SLC27A2: variants seen among roughly 807,000 people sequenced by gnomAD.
SLC27A2 encodes solute carrier family 27 member 2.
SLC27A2 carries 54 observed loss-of-function variants against 60.0 expected under a neutral mutation model. The observed-to-expected ratio is 0.90, with a 90% CI of 0.72 to 1.13. SLC27A2 has a LOEUF of 1.13. Ranked by LOEUF, SLC27A2 falls within the 50% of genes most tolerant of loss-of-function variation. SLC27A2 has a pLI of 0.00. For synonymous variants in SLC27A2, 297 were observed against 297.6 expected (o/e 1.00, Z 0.02); for missense variants, 739 against 777.6 (o/e 0.95, Z 0.59).
rs1329395813 is a variant in SLC27A2, at chr15:50,196,068, AAAAAAAAAAATATATATATATATAT to A, written c.479-1430_479-1406del. 6.4e-4 allele frequency among the ~76,000 whole-genome samples: 11 copies of A among 17,198 alleles called. 3 individuals are homozygous for A. Among genetic ancestry groups the A allele is most frequent in the African/African-American group, 1.4e-3 (11 of 7,630 alleles). The allele number at this position is 17,198 out of a possible 152,430, so 11.3% of individuals were successfully genotyped here. A position where few individuals can be genotyped will look rare whatever the true frequency, so the allele number is the denominator to read the frequency against. Reference sequence around the variant, plus strand: ...GACTCTGTCTCAAAAAAAAAAAAAAAAAAAAAAAAATATATATATATATATATATATATATATATATATATATATA... The same window carrying A: ...GACTCTGTCTCAAAAAAAAAAAAAAAATATATATATATATATATATATATA... On this transcript the variant is annotated intron_variant, in intron 1 of 9. Coordinates refer to ENST00000267842, the MANE Select transcript of SLC27A2 (RefSeq NM_003645.4).
Position 50,182,683 on chromosome 15 carries a change from C to G in SLC27A2, c.256C>G (p.Arg86Gly), listed in dbSNP as rs1179153255. The part of the protein sequence containing the change: ...DETLTYAQVD[R>G]RSNQVARALH... ...GACTCTCACCTACGCGCAGGTGGAC[C>G]GGCGCAGCAATCAAGTGGCCCGGGC... The change falls in exon 1 of 10, where the codon CGG becomes GGG. Residue 86 changes from arginine to glycine, a missense_variant. By Grantham distance (125) the Arg-to-Gly change is moderately radical. Coordinates refer to ENST00000267842, the MANE Select transcript of SLC27A2 (RefSeq NM_003645.4). 1.9e-6 allele frequency: 3 copies of G among 1,613,828 alleles called. No homozygotes were observed. The African/African-American group carries it at 4.0e-5, about 22-fold the overall frequency.
At chr15:50,206,699 C>T (rs1005775064) in intron 4 of SLC27A2, among the ~76,000 whole-genome samples, 2 of 152,142 alleles carry the variant, frequency 1.3e-5, no homozygotes, top group Non-Finnish European at 2.9e-5. Flanking sequence ...AAATGAAAGC[C>T]GCATATGAGC....
chr15:50,182,840 T>A lies in SLC27A2; in HGVS notation c.413T>A (p.Ile138Asn). 1 of 1,613,318 alleles carries A rather than the reference T, an allele frequency of 6.2e-7. No homozygotes were observed. Among genetic ancestry groups the A allele is most frequent in the Admixed American group, 1.7e-5 (1 of 60,024 alleles). ...GCCATGGCGTGCCTCAATTACAACA[T>A]CCGCGCGAAGTCCCTGCTGCACTGC... The part of the protein sequence containing the change: ...GCAMACLNYN[I>N]RAKSLLHCFQ... The change falls in exon 1 of 10, where the codon ATC becomes AAC. Residue 138 changes from isoleucine (I) to asparagine (N), a missense_variant. By Grantham distance (149) the Ile-to-Asn change is moderately radical (BLOSUM62 -3). Transcript: ENST00000267842.
At chr15:50,214,450 C>A (rs974754733) in intron 4 of SLC27A2, among the ~76,000 whole-genome samples, 2 of 151,964 alleles carry the variant, frequency 1.3e-5, no homozygotes, top group African/African-American at 4.8e-5. Context: ...AAAGAAGGAA[C>A]CCTCCCTAAT....
intron 9 of SLC27A2, 64 bp downstream of exon 9, chr15:50,234,062 C>G: frequency 1.4e-6 from 2 of 1,440,556 alleles, no homozygotes; most frequent in South Asian, 1.4e-5. Context: ...ACTTAGGGAA[C>G]AACTCGCCTT....
At chr15:50,203,593 T>A (rs1389284314) in intron 3 of SLC27A2, among the ~76,000 whole-genome samples, 1 of 152,196 alleles carries the variant, frequency 6.6e-6, no homozygotes, top group African/African-American at 2.4e-5. Context: ...TCATTTTAAA[T>A]AATCATATAT....
chr15:50,186,882 A>C (rs1267972040), intron 1 of SLC27A2, among the ~76,000 whole-genome samples: 3 of 152,252 alleles, frequency 2.0e-5, no homozygotes, highest in Admixed American at 6.5e-5. Flanking sequence ...ATTCTATCAC[A>C]CCATCTTGAA....
Position 50,204,064 on chromosome 15 carries a change from A to G in SLC27A2, c.848-1175A>G, listed in dbSNP as rs184044818. Among the ~76,000 whole-genome samples, 7 of 152,280 alleles carry G rather than the reference A, an allele frequency of 4.6e-5. No homozygotes were observed. The East Asian group carries it at 1.4e-3, about 29-fold the overall frequency. ...ACAATCCAAAAATTTGAAATCCAAA[A>G]TGCTCCAAAATCTGTAACTTTTTAA... On this transcript the variant is annotated intron_variant, in intron 3 of 9. Coordinates refer to ENST00000267842, the MANE Select transcript of SLC27A2 (RefSeq NM_003645.4).
intron 4 of SLC27A2, among the ~76,000 whole-genome samples, chr15:50,222,657 T>C (rs1420123346): frequency 6.6e-6 from 1 of 152,218 alleles, no homozygotes; most frequent in Non-Finnish European, 1.5e-5. Context: ...AATGTTGGCA[T>C]CACCTGGTTC....
chr15:50,228,878 C>G, intron 7 of SLC27A2, 67 bp from the exon 8 acceptor site: 2 of 1,048,692 alleles, frequency 1.9e-6, no homozygotes, highest in African/African-American at 1.6e-5. Context: ...GAAACACCAG[C>G]TCTCCGACAT....
chr15:50,182,591 T>C lies in SLC27A2; in HGVS notation c.164T>C (p.Ile55Thr), dbSNP rs2044867982. 1.2e-6 allele frequency: 2 copies of C among 1,613,180 alleles called. No homozygotes were observed. The highest frequency in any genetic ancestry group is 1.7e-5 in the Admixed American group (1 of 59,984). Residue 55 changes from isoleucine (I) to threonine (T), a missense_variant, in exon 1 of 10, where the codon ATC becomes ACC. By Grantham distance (89) the Ile-to-Thr change is moderately conservative. Coordinates refer to ENST00000267842, the MANE Select transcript of SLC27A2 (RefSeq NM_003645.4). Reference sequence around the variant, plus strand: ...GGGAAGCGGCGGCCGGCGCGCACCATCCTGCGGGCGTTCCTGGAGAAAGCG... The same window carrying C: ...GGGAAGCGGCGGCCGGCGCGCACCACCCTGCGGGCGTTCCTGGAGAAAGCG... ...SYGKRRPART[I>T]LRAFLEKARQ...
chr15:50,194,563 A>C (rs767594115), intron 1 of SLC27A2, among the ~76,000 whole-genome samples: 87 of 152,216 alleles, frequency 5.7e-4, no homozygotes, highest in Non-Finnish European at 8.7e-4. Context: ...GATCTTAAAC[A>C]GGGTGGCAAC....
intron 6 of SLC27A2, among the ~76,000 whole-genome samples, chr15:50,226,603 A>T (rs2045280129): frequency 6.6e-6 from 1 of 152,124 alleles, no homozygotes; most frequent in South Asian, 2.1e-4. Context: ...ACGATGGCAC[A>T]CACCTGTAAC....
Position 50,196,075 on chromosome 15 carries a change from AAAATATATATATATATATATAT to A in SLC27A2, c.479-1423_479-1402del, listed in dbSNP as rs1284932659. Among the ~76,000 whole-genome samples the A allele has an allele frequency of 3.9e-4, 7 of 18,132 alleles. 1 individual carries two copies. Among genetic ancestry groups the A allele is most frequent in the South Asian group, 6.6e-3 (2 of 302 alleles). The allele number at this position is 18,132 out of a possible 152,430, so 11.9% of individuals were successfully genotyped here. On this transcript the variant is annotated intron_variant, in intron 1 of 9. Transcript: ENST00000267842. The stretch of plus-strand genomic sequence containing the variant: ...TCTCAAAAAAAAAAAAAAAAAAAAA[AAAATATATATATATATATATAT>A]ATATATATATATATATATATATATA...
At chr15:50,211,155 C>G (rs925134179) in intron 4 of SLC27A2, among the ~76,000 whole-genome samples, 1 of 152,166 alleles carries the variant, frequency 6.6e-6, no homozygotes, top group Non-Finnish European at 1.5e-5. Flanking sequence ...CTGGAAAGTA[C>G]CACCTCCTGG....
rs922965644 is a variant in SLC27A2 at position 50,182,292 on chromosome 15, T to C, written c.-136T>C. On this transcript the variant is annotated 5_prime_UTR_variant, in exon 1 of 10. Coordinates refer to ENST00000267842, the MANE Select transcript of SLC27A2 (RefSeq NM_003645.4). ...CGGAGGAGCTCTGTCTTCCCCTTCA[T>C]CTCACGCGAGCCCGGCGTCCCGCCG... 33 of 1,290,860 alleles carry C rather than the reference T, an allele frequency of 2.6e-5. No individual in the cohort carries two copies. Among genetic ancestry groups the C allele is most frequent in the East Asian group, 2.2e-4 (7 of 31,240 alleles). 80.0% of individuals were successfully genotyped at this position (1,290,860 alleles called of 1,614,324 possible).
At chr15:50,234,412 AC>A (rs1222211957) in intron 9 of SLC27A2, among the ~76,000 whole-genome samples, 3 of 151,870 alleles carry the variant, frequency 2.0e-5, no homozygotes, top group Non-Finnish European at 2.9e-5. Context: ...ACATGGTGAA[AC>A]CCGGTCTCTA....
chr15:50,229,099 C>T lies in SLC27A2; in HGVS notation c.1555+57C>T, dbSNP rs1595693003. ...ATAGAGTAACTGAACATAATTTTGG[C>T]CTCAAGGCGAAGTTTGTCATTGCTT... On this transcript the variant is annotated intron_variant, in intron 8 of 9. Coordinates refer to ENST00000267842, the MANE Select transcript of SLC27A2 (RefSeq NM_003645.4). 6 of 1,243,178 alleles carry T rather than the reference C, an allele frequency of 4.8e-6. No homozygotes were observed. In the East Asian group the frequency reaches 1.5e-4, roughly 30 times the overall value. The allele number at this position is 1,243,178 out of a possible 1,614,324, so 77.0% of individuals were successfully genotyped here.
At position 50,197,145 on chromosome 15, in the gene SLC27A2, C is replaced by T. The variant is rs114266706; in HGVS notation, c.479-355C>T. On this transcript the variant is annotated intron_variant, in intron 1 of 9. Transcript: ENST00000267842. ...TGTGAAACCATCAAAACCCAACCTTCCCTCAAATATTGGAATCCTGTGATT... is the reference window on the plus strand; with the variant it reads ...TGTGAAACCATCAAAACCCAACCTTTCCTCAAATATTGGAATCCTGTGATT... Among the ~76,000 whole-genome samples the T allele has an allele frequency of 6.3e-3, 912 of 144,896 alleles. 11 individuals carry two copies. Among genetic ancestry groups the T allele is most frequent in the African/African-American group, 0.023 (889 of 39,308 alleles).
Sources: gnomAD v4.1 joint callset for allele counts (sites outside exome capture counted in the v4.1 genomes callset) on GRCh38, gnomAD v4.1.1 for gene constraint, MANE v1.5 for transcripts, NCBI Gene and HGNC (gene_info 2026-07-23, HGNC 2026-07-21) for gene names.